Variants in ADGRE5 observed in about 807,000 individuals in gnomAD.
ADGRE5 encodes adhesion G protein-coupled receptor E5, also known as CD97 molecule.
Under a neutral mutation model 100.3 loss-of-function variants are expected in ADGRE5, and 72 were observed. The ratio of observed to expected loss-of-function variants is 0.72; its 90% confidence interval spans 0.59 to 0.87. ADGRE5 has a LOEUF of 0.87. Among genes scored for constraint, ADGRE5 ranks in the 40% least tolerant of loss-of-function variants. The pLI, the probability that ADGRE5 is intolerant of heterozygous loss-of-function variation, is 0.00. For synonymous variants in ADGRE5, 439 were observed against 447.8 expected (o/e 0.98, Z 0.25); for missense variants, 959 against 1,094.7 (o/e 0.88, Z 1.75).
intron 4 of ADGRE5, among the ~76,000 whole-genome samples, chr19:14,395,907 C>T (rs947845360): frequency 6.6e-6 from 1 of 152,216 alleles, no homozygotes; most frequent in African/African-American, 2.4e-5. Flanking sequence ...CAGCATCCTG[C>T]TAGGGCCACC....
intron 18 of ADGRE5, among the ~76,000 whole-genome samples, chr19:14,407,638 C>CAA (rs566106681): frequency 8.3e-5 from 7 of 84,662 alleles, no homozygotes; most frequent in Non-Finnish European, 1.0e-4. Flanking sequence ...GACTTGTCTC[C>CAA]AAAAAAAAAA....
intron 9 of ADGRE5, 118 bp downstream of exon 9, chr19:14,398,257 G>T: frequency 3.6e-6 from 3 of 843,658 alleles, no homozygotes; most frequent in East Asian, 2.6e-5. Flanking sequence ...ACACACATGC[G>T]CATAACATAC....
rs1976057904 is a variant in ADGRE5, at chr19:14,402,589, T to C, written c.1184-8T>C. The C allele has an allele frequency of 1.2e-6, 2 of 1,613,874 alleles. No homozygotes were observed. Among genetic ancestry groups the C allele is most frequent in the Non-Finnish European group, 8.5e-7 (1 of 1,179,898 alleles). ...CGGGAGTAGGCAGCGAGTGTGTCTGTTCCCCAGGCCCCGCCGTGGCGGGCA... is the reference window on the plus strand; with the variant it reads ...CGGGAGTAGGCAGCGAGTGTGTCTGCTCCCCAGGCCCCGCCGTGGCGGGCA... On this transcript the variant is annotated splice_polypyrimidine_tract_variant and splice_region_variant and intron_variant, in intron 11 of 19. Coordinates refer to ENST00000242786, the MANE Select transcript of ADGRE5 (RefSeq NM_078481.4).
intron 4 of ADGRE5, among the ~76,000 whole-genome samples, chr19:14,394,714 C>T (rs1053496228): frequency 1.5e-4 from 23 of 152,116 alleles, no homozygotes; most frequent in Admixed American, 1.1e-3. Context: ...ATGAGCTCAG[C>T]CACACCTGGA....
intron 9 of ADGRE5, 123 bp downstream of exon 9, chr19:14,398,262 A>T: frequency 8.9e-6 from 7 of 782,156 alleles, no homozygotes; most frequent in Non-Finnish European, 1.5e-5. Flanking sequence ...CATGCGCATA[A>T]CATACACACA....
rs568316578 is a variant in ADGRE5 at position 14,401,790 on chromosome 19, G to A, written c.1183+30G>A. ...CAGCGGTGGTCTGGAGGGGGAGCCC[G>A]TGGGAGAGAGATGGAGGTGCTGGGA... On this transcript the variant is annotated intron_variant, in intron 11 of 19. Transcript: ENST00000242786. The surrounding 1 kb of genome is among the most constrained non-coding windows in gnomAD (Gnocchi z 4.1). 12 of 1,434,808 alleles carry A rather than the reference G, an allele frequency of 8.4e-6. No homozygotes were observed. The highest frequency in any genetic ancestry group is 2.8e-5 in the African/African-American group (2 of 70,224). The allele number at this position is 1,434,808 out of a possible 1,614,324, so 88.9% of individuals were successfully genotyped here.
chr19:14,385,012 T>C (rs1975293109), intron 1 of ADGRE5, among the ~76,000 whole-genome samples: 4 of 50,954 alleles, frequency 7.9e-5, no homozygotes, highest in East Asian at 1.3e-3. Flanking sequence ...CTCTTGCTCT[T>C]TTTTTTTTTT....
chr19:14,388,832 A>G lies in ADGRE5; in HGVS notation c.190+14A>G, dbSNP rs769103586. The G allele has an allele frequency of 1.2e-6, 2 of 1,608,604 alleles. No individual in the cohort carries two copies. The highest frequency in any genetic ancestry group is 3.3e-5 in the Admixed American group (2 of 59,964). ...AGACTTGTGACGGTACAGAGGCTTG[A>G]GGGCAGCGCAGGGGACATCCGCGAT... On this transcript the variant is annotated intron_variant, in intron 3 of 19. Transcript: ENST00000242786.
intron 1 of ADGRE5, among the ~76,000 whole-genome samples, chr19:14,384,826 C>T (rs538152273): frequency 4.8e-4 from 72 of 151,354 alleles, no homozygotes; most frequent in Middle Eastern, 6.8e-3. Flanking sequence ...TCTATCTCTC[C>T]GTGTCTCTGT....
chr19:14,388,645 C>T, intron 2 of ADGRE5, 57 bp from the exon 3 acceptor site: 1 of 1,607,940 alleles, frequency 6.2e-7, no homozygotes, highest in Non-Finnish European at 8.5e-7. Context: ...CCCCAGTGCC[C>T]CCTTTTTGTG....
At chr19:14,391,743 A>G (rs1347319236) in intron 4 of ADGRE5, among the ~76,000 whole-genome samples, 1 of 151,760 alleles carries the variant, frequency 6.6e-6, no homozygotes, top group Non-Finnish European at 1.5e-5. Flanking sequence ...TCTCTAAAAA[A>G]GAAAAAATCA....
At chr19:14,395,430 C>CA (rs1306344344) in intron 4 of ADGRE5, among the ~76,000 whole-genome samples, 1 of 152,140 alleles carries the variant, frequency 6.6e-6, no homozygotes, top group Non-Finnish European at 1.5e-5. Context: ...CTCCTGTAGT[C>CA]AGTCCTGGTC....
At chr19:14,405,973 G>T (rs1976213542) in intron 14 of ADGRE5, 34 bp downstream of exon 14, 1 of 1,565,532 alleles carries the variant, frequency 6.4e-7, no homozygotes. Flanking sequence ...CTGAGCTCTG[G>T]GGTCAGGGAG....
intron 4 of ADGRE5, among the ~76,000 whole-genome samples, chr19:14,393,072 GCA>G (rs1447363628): frequency 6.6e-6 from 1 of 151,896 alleles, no homozygotes; most frequent in African/African-American, 2.4e-5. Flanking sequence ...ATGGTGGCCG[GCA>G]TCTGTAGTCC....
At chr19:14,388,958 C>T (rs866902134) in intron 3 of ADGRE5, 140 bp downstream of exon 3, 2 of 888,188 alleles carry the variant, frequency 2.3e-6, no homozygotes, top group Middle Eastern at 2.4e-4. Context: ...AAAAAGAGGG[C>T]AGGCGTGGTG....
intron 1 of ADGRE5, chr19:14,386,398 A>G (rs1975351435): frequency 1.3e-5 from 2 of 157,402 alleles, no homozygotes; most frequent in African/African-American, 5.1e-5. Context: ...AAAAAAAAAA[A>G]AAAAAAGAGA....
chr19:14,399,603 C>A (rs10426442), intron 9 of ADGRE5, among the ~76,000 whole-genome samples: 1 of 136,118 alleles, frequency 7.3e-6, no homozygotes, highest in South Asian at 2.5e-4. Flanking sequence ...AATTAGCTGG[C>A]GTGGTGGTGC....
Position 14,401,441 on chromosome 19 carries a change from T to C in ADGRE5, c.953T>C (p.Leu318Pro). Residue 318 changes from leucine (L) to proline (P), a missense_variant, in exon 10 of 20, where the codon CTG becomes CCG. Leu to Pro is a moderately conservative substitution (Grantham distance 98). This residue lies in a region of ADGRE5 where 246 missense variants were observed against 242.2 expected (regional missense o/e 1.02). Transcript: ENST00000242786. This position sits in a 1 kb window ranked among gnomAD's most constrained non-coding sequence, Gnocchi z 4.1. ...LMEAPGDVEA[L>P]APPVRHLIAT... is the part of the protein sequence containing the mutation. Reference sequence around the variant, plus strand: ...GAAGCTCCTGGAGACGTAGAGGCCCTGGCGCCACCTGTCCGGCACCTCATA... The same window carrying C: ...GAAGCTCCTGGAGACGTAGAGGCCCCGGCGCCACCTGTCCGGCACCTCATA... The C allele has an allele frequency of 6.2e-7, 1 of 1,614,172 alleles. No homozygotes were observed. Among genetic ancestry groups the C allele is most frequent in the Non-Finnish European group, 8.5e-7 (1 of 1,180,012 alleles).
chr19:14,394,856 C>T (rs548989773), intron 4 of ADGRE5, among the ~76,000 whole-genome samples: 86 of 152,176 alleles, frequency 5.7e-4, no homozygotes, highest in Non-Finnish European at 1.1e-3. Context: ...CTCCCGACCA[C>T]CTTTCTGGCC....
Sources: gnomAD v4.1 joint callset for allele counts (sites outside exome capture counted in the v4.1 genomes callset) on GRCh38, gnomAD v4.1.1 for gene constraint, gnomAD v4.1.1 regional missense constraint, Gnocchi (gnomAD v3.1) non-coding constraint, MANE v1.5 for transcripts, NCBI Gene and HGNC (gene_info 2026-07-23, HGNC 2026-07-21) for gene names.